The following RANBP2 variants were observed in gnomAD, a reference collection of about 807,000 sequenced individuals.
RANBP2 encodes E3 SUMO-protein ligase RanBP2.
RANBP2 carries 57 observed loss-of-function variants against 303.6 expected under a neutral mutation model. The ratio of observed to expected loss-of-function variants is 0.19; its 90% CI spans 0.15 to 0.23. The LOEUF (loss-of-function observed/expected upper bound fraction) is 0.23, where lower values mean the gene tolerates loss of function less well. Among genes scored for constraint, RANBP2 ranks in the 10% least tolerant of loss-of-function variants. The pLI is 1.00. For missense variants in RANBP2, 3,138 were observed against 3,780.8 expected (o/e 0.83, Z 4.46); for synonymous variants, 1,167 against 1,301.5 (o/e 0.90, Z 2.23).
the RANBP2 span, among the ~76,000 whole-genome samples, chr2:109,075,025 C>CAAAAAAAAAAAAAAAA: frequency 2.2e-5 from 1 of 44,634 alleles, no homozygotes; most frequent in Non-Finnish European, 4.0e-5. Flanking sequence ...GTCTCCATCT[C>CAAAAAAAAAAAAAAAA]AAAAAAAAAA....
the RANBP2 span, among the ~76,000 whole-genome samples, chr2:108,990,746 A>G: frequency 1.5e-3 from 228 of 152,360 alleles, no homozygotes; most frequent in African/African-American, 4.8e-3. Flanking sequence ...TGATTAATCT[A>G]GATAATATAA....
At chr2:109,717,836 C>T in the RANBP2 span, among the ~76,000 whole-genome samples, 8 of 152,106 alleles carry the variant, frequency 5.3e-5, no homozygotes, top group African/African-American at 1.9e-4. Flanking sequence ...ATCGCTTGAA[C>T]CCGGGAGGCA....
chr2:108,871,154 GA>G, the RANBP2 span, among the ~76,000 whole-genome samples: 2 of 152,028 alleles, frequency 1.3e-5, no homozygotes, highest in Non-Finnish European at 2.9e-5. Flanking sequence ...TACTTTTACA[GA>G]AATGGCATGC....
At chr2:109,690,585 C>T in the RANBP2 span, among the ~76,000 whole-genome samples, 2 of 152,152 alleles carry the variant, frequency 1.3e-5, no homozygotes, top group Non-Finnish European at 2.9e-5. Flanking sequence ...TAGCATGCTC[C>T]TGGCACGTGT....
At chr2:109,315,436 A>AGC in the RANBP2 span, among the ~76,000 whole-genome samples, 2 of 152,250 alleles carry the variant, frequency 1.3e-5, no homozygotes, top group African/African-American at 4.8e-5. Flanking sequence ...GTTGCAGGGA[A>AGC]GCAATAGCTT....
At chr2:109,707,641 G>T in the RANBP2 span, among the ~76,000 whole-genome samples, 1 of 152,140 alleles carries the variant, frequency 6.6e-6, no homozygotes. Flanking sequence ...ACAGGGCCCA[G>T]CAGGGATGGC....
chr2:109,206,821 T>A, the RANBP2 span, among the ~76,000 whole-genome samples: 2 of 152,230 alleles, frequency 1.3e-5, no homozygotes, highest in Non-Finnish European at 2.9e-5. Flanking sequence ...TATTAGTTAC[T>A]TAACTCTGGC....
the RANBP2 span, among the ~76,000 whole-genome samples, chr2:109,499,022 C>T: frequency 3.3e-5 from 5 of 152,150 alleles, no homozygotes; most frequent in Non-Finnish European, 7.4e-5. Flanking sequence ...GGCCCCTCCT[C>T]TGAGAGGGAT....
the RANBP2 span, among the ~76,000 whole-genome samples, chr2:109,228,156 C>T: frequency 6.6e-6 from 1 of 152,280 alleles, no homozygotes; most frequent in East Asian, 1.9e-4. Context: ...GTACTTGCAA[C>T]GTTTGGCAAA....
chr2:108,726,722 G>A lies in RANBP2; in HGVS notation c.73-2410G>A, dbSNP rs992997511. ...GTCATGGGACAATAGTGGAGGGAAGGTCAGCAGATAAACAAGTGAACAAAG... is the reference window on the plus strand; with the variant it reads ...GTCATGGGACAATAGTGGAGGGAAGATCAGCAGATAAACAAGTGAACAAAG... On this transcript the variant is annotated intron_variant, in intron 1 of 28. Coordinates refer to ENST00000283195, the MANE Select transcript of RANBP2 (RefSeq NM_006267.5). 1.1e-4 allele frequency among the ~76,000 whole-genome samples: 16 copies of A among 151,370 alleles called. No homozygotes were observed. In the East Asian group the frequency reaches 2.3e-3, roughly 22 times the overall value.
the RANBP2 span, among the ~76,000 whole-genome samples, chr2:109,619,297 G>C: frequency 6.6e-6 from 1 of 152,178 alleles, no homozygotes; most frequent in Non-Finnish European, 1.5e-5. Flanking sequence ...AGTGATGGAG[G>C]AATCAACTTG....
chr2:108,907,890 C>G, the RANBP2 span: 7 of 1,613,672 alleles, frequency 4.3e-6, no homozygotes, highest in African/African-American at 6.7e-5. Context: ...TGGCAGACTT[C>G]TCCCTGGCCA....
the RANBP2 span, among the ~76,000 whole-genome samples, chr2:108,935,853 A>C: frequency 6.6e-6 from 1 of 152,112 alleles, no homozygotes; most frequent in African/African-American, 2.4e-5. Flanking sequence ...CATTATATAC[A>C]AGTTTGGCCC....
chr2:108,881,806 A>G, the RANBP2 span, among the ~76,000 whole-genome samples: 1 of 152,204 alleles, frequency 6.6e-6, no homozygotes, highest in Non-Finnish European at 1.5e-5. Context: ...GCTGTCTTAC[A>G]TGGGTGTGGT....
chr2:109,392,169 C>A, the RANBP2 span, among the ~76,000 whole-genome samples: 2 of 152,216 alleles, frequency 1.3e-5, no homozygotes, highest in African/African-American at 4.8e-5. Flanking sequence ...ATGTACCCAA[C>A]CCATTCCAAT....
At chr2:108,812,707 A>G in the RANBP2 span, 1 of 1,607,638 alleles carries the variant, frequency 6.2e-7, no homozygotes, top group Non-Finnish European at 8.5e-7. Context: ...GATAATTTAC[A>G]GGTAAGTTGC....
the RANBP2 span, among the ~76,000 whole-genome samples, chr2:109,000,146 T>TA: frequency 6.6e-6 from 1 of 152,158 alleles, no homozygotes; most frequent in East Asian, 1.9e-4. Flanking sequence ...TATTGGGAAT[T>TA]AGAGTCAGGG....
chr2:109,363,295 C>A, the RANBP2 span, among the ~76,000 whole-genome samples: 9 of 151,774 alleles, frequency 5.9e-5, no homozygotes, highest in African/African-American at 1.7e-4. Flanking sequence ...GAATTCAAGC[C>A]CACTTTCAAA....
the RANBP2 span, among the ~76,000 whole-genome samples, chr2:109,433,952 G>A: frequency 1.3e-5 from 2 of 152,246 alleles, no homozygotes; most frequent in Non-Finnish European, 1.5e-5. Flanking sequence ...ACAGCCTCCT[G>A]CGGCTTCTTC....
Sources: gnomAD v4.1 joint callset for allele counts (sites outside exome capture counted in the v4.1 genomes callset) on GRCh38, gnomAD v4.1.1 for gene constraint, MANE v1.5 for transcripts, NCBI Gene and HGNC (gene_info 2026-07-23, HGNC 2026-07-21) for gene names.